The following STK3 variants were observed in gnomAD, a reference collection of about 807,000 sequenced individuals.
STK3 encodes the protein serine/threonine kinase 3, also known as serine/threonine-protein kinase 3.
STK3 carries 41 observed loss-of-function variants against 58.0 expected under a neutral mutation model. That is an observed-to-expected ratio of 0.71 (90% CI 0.55 to 0.92). STK3 has a LOEUF of 0.92. STK3 is among the 40% of genes least tolerant of loss of function. STK3 has a pLI of 0.00. For missense variants in STK3, 479 were observed against 602.7 expected (o/e 0.79, Z 2.15); for synonymous variants, 170 against 191.0 (o/e 0.89, Z 0.91).
At chr8:98,440,100 G>A (rs571376991) in intron 1 of STK3, among the ~76,000 whole-genome samples, 5 of 152,266 alleles carry the variant, frequency 3.3e-5, no homozygotes, top group African/African-American at 1.2e-4. Context: ...CTGCTCCAGC[G>A]GGCCAGTCTA....
intron 3 of STK3, among the ~76,000 whole-genome samples, chr8:98,840,628 T>G (rs111470124): frequency 8.7e-6 from 1 of 114,468 alleles, no homozygotes; most frequent in East Asian, 2.5e-4. Flanking sequence ...TATATATATA[T>G]ACACACACAT....
intron 10 of STK3, among the ~76,000 whole-genome samples, chr8:98,481,550 A>C (rs1821852371): frequency 1.3e-5 from 2 of 152,308 alleles, no homozygotes; most frequent in East Asian, 3.9e-4. Flanking sequence ...ACGGATATGC[A>C]AAGGCATGCA....
chr8:98,614,442 G>C (rs557761926), intron 6 of STK3, among the ~76,000 whole-genome samples: 6 of 152,254 alleles, frequency 3.9e-5, no homozygotes, highest in South Asian at 2.1e-4. Context: ...AAGATGTCTC[G>C]ATCGGGGGAG....
intron 6 of STK3, among the ~76,000 whole-genome samples, chr8:98,642,758 A>T (rs1466869053): frequency 6.6e-6 from 1 of 152,230 alleles, no homozygotes; most frequent in Non-Finnish European, 1.5e-5. Flanking sequence ...TGTTGAAAAC[A>T]GGATCACATA....
At chr8:98,898,810 A>G (rs1838552147) in intron 1 of STK3, among the ~76,000 whole-genome samples, 1 of 152,182 alleles carries the variant, frequency 6.6e-6, no homozygotes. Context: ...CGAAAGAAAT[A>G]TTTTTAAGAG....
At chr8:98,637,892 T>C (rs1224632864) in intron 6 of STK3, among the ~76,000 whole-genome samples, 3 of 152,164 alleles carry the variant, frequency 2.0e-5, no homozygotes, top group Non-Finnish European at 2.9e-5. Context: ...AACTAAGTAA[T>C]AGAAATATTC....
chr8:98,746,499 G>A (rs2131342733), intron 4 of STK3, among the ~76,000 whole-genome samples: 1 of 152,242 alleles, frequency 6.6e-6, no homozygotes, highest in East Asian at 1.9e-4. Flanking sequence ...TGTGGTTCCA[G>A]CTACTCAGGA....
In STK3 at chr8:98,694,898, T is replaced by C. The variant is rs1770170134; in HGVS notation, c.684+11569A>G. On this transcript the variant is annotated intron_variant, in intron 6 of 10. Transcript: ENST00000419617. ...GGATGGCTGGGTCAAATGGTATTTCTAGTCCTAGATCCCTGAAGAATCGCC... is the reference window on the plus strand; with the variant it reads ...GGATGGCTGGGTCAAATGGTATTTCCAGTCCTAGATCCCTGAAGAATCGCC... Among the ~76,000 whole-genome samples the C allele has an allele frequency of 2.0e-5, 3 of 152,242 alleles. No individual in the cohort carries two copies. The South Asian group carries it at 6.2e-4, about 32-fold the overall frequency.
Position 98,573,515 on chromosome 8 carries a change from C to T in STK3, c.948+6149G>A, listed in dbSNP as rs148268844. On this transcript the variant is annotated intron_variant, in intron 8 of 10. Transcript: ENST00000419617. ...CTCCCACCAGGTCCCTCCCATGACG[C>T]GTGAGGAATAAGGGAACTACAATTC... Among the ~76,000 whole-genome samples, 199 of 152,180 alleles carry T rather than the reference C, an allele frequency of 1.3e-3. 1 individual carries two copies. The highest frequency in any genetic ancestry group is 4.4e-3 in the African/African-American group (183 of 41,520).
At chr8:98,782,812 T>C (rs1475924789) in intron 1 of STK3, among the ~76,000 whole-genome samples, 1 of 150,202 alleles carries the variant, frequency 6.7e-6, no homozygotes, top group Non-Finnish European at 1.5e-5. Flanking sequence ...AAGGAAAAAG[T>C]GTTATTTAAA....
intron 4 of STK3, among the ~76,000 whole-genome samples, chr8:98,707,922 T>G (rs745322718): frequency 2.0e-5 from 3 of 151,988 alleles, no homozygotes; most frequent in Admixed American, 6.5e-5. Context: ...GCAGATCACT[T>G]GAGGTCAGGA....
At chr8:98,589,413 G>T (rs1193741354) in intron 7 of STK3, among the ~76,000 whole-genome samples, 1 of 152,208 alleles carries the variant, frequency 6.6e-6, no homozygotes, top group African/African-American at 2.4e-5. Flanking sequence ...GCTGCCCGGG[G>T]GTCAGGGGTC....
At chr8:98,751,710 T>C (rs1407941512) in intron 3 of STK3, among the ~76,000 whole-genome samples, 3 of 152,168 alleles carry the variant, frequency 2.0e-5, no homozygotes, top group Non-Finnish European at 4.4e-5. Flanking sequence ...CCCAGCACTT[T>C]GAGAGGATCA....
At chr8:98,778,690 C>A (rs1489283955) in intron 1 of STK3, among the ~76,000 whole-genome samples, 1 of 152,116 alleles carries the variant, frequency 6.6e-6, no homozygotes, top group African/African-American at 2.4e-5. Flanking sequence ...CCATGGAATA[C>A]TATGCAGCCA....
intron 1 of STK3, among the ~76,000 whole-genome samples, chr8:98,801,586 G>A (rs1285247574): frequency 6.6e-6 from 1 of 151,814 alleles, no homozygotes. Flanking sequence ...AACAGTCACC[G>A]CAACGGTCTG....
chr8:98,591,746 A>G (rs1815334953), intron 7 of STK3, among the ~76,000 whole-genome samples: 1 of 152,240 alleles, frequency 6.6e-6, no homozygotes, highest in African/African-American at 2.4e-5. Flanking sequence ...AATGAATTGC[A>G]TAAAAGCAGG....
At chr8:98,560,432 A>G (rs1811920644) in intron 8 of STK3, among the ~76,000 whole-genome samples, 1 of 152,040 alleles carries the variant, frequency 6.6e-6, no homozygotes, top group Admixed American at 6.6e-5. Context: ...TAAATGACTG[A>G]AATTTGAAAT....
intron 1 of STK3, among the ~76,000 whole-genome samples, chr8:98,808,538 C>CT (rs1040186796): frequency 6.6e-5 from 10 of 151,876 alleles, no homozygotes; most frequent in African/African-American, 9.7e-5. Flanking sequence ...TGGCTAAAGG[C>CT]TTTTTTTTAT....
chr8:98,804,284 G>C (rs1261894251), intron 1 of STK3, among the ~76,000 whole-genome samples: 1 of 152,106 alleles, frequency 6.6e-6, no homozygotes, highest in Non-Finnish European at 1.5e-5. Flanking sequence ...TTACAGGCGT[G>C]AGCCACCACA....
Sources: allele counts gnomAD v4.1 joint callset (sites outside exome capture counted in the v4.1 genomes callset), GRCh38; gene constraint gnomAD v4.1.1; transcripts MANE v1.5; gene names NCBI Gene and HGNC (gene_info 2026-07-23, HGNC 2026-07-21).